SEMA3D: variants seen among roughly 807,000 people sequenced by gnomAD.
SEMA3D encodes the protein semaphorin 3D, also known as semaphorin-3D.
SEMA3D carries 84 observed loss-of-function variants against 100.1 expected under a neutral mutation model. The observed-to-expected ratio is 0.84, with a 90% CI of 0.70 to 1.01. SEMA3D has a LOEUF of 1.01. SEMA3D is among the 50% of genes least tolerant of loss of function. The probability of loss-of-function intolerance (pLI) is 0.00; values close to 1 mark genes in which losing one functional copy is unlikely to be tolerated. For missense variants in SEMA3D, 875 were observed against 934.1 expected (o/e 0.94, Z 0.82); for synonymous variants, 312 against 320.7 (o/e 0.97, Z 0.29).
chr7:85,022,568 A>G lies in SEMA3D; in HGVS notation c.1237T>C (p.Phe413Leu). ...YDPLIKSTRD[F>L]PDDVISFIKR... ...ATGAAACTGATGACATCATCTGGAA[A>G]ATCTCGGGTGGACTTAATCAGTGGG... Residue 413 changes from phenylalanine to leucine, a missense_variant, in exon 13 of 19, where the codon TTT (phenylalanine) becomes CTT (leucine). By Grantham distance (22) the Phe-to-Leu change is conservative. Coordinates refer to ENST00000284136, the MANE Select transcript of SEMA3D (RefSeq NM_001384900.1). 1 of 1,612,532 alleles carries G rather than the reference A, an allele frequency of 6.2e-7. No individual in the cohort carries two copies. Among genetic ancestry groups the G allele is most frequent in the South Asian group, 1.1e-5 (1 of 91,046 alleles).
At chr7:85,181,706 GA>G (rs769324874) in intron 1 of SEMA3D, 490 of 809,488 alleles carry the variant, frequency 6.1e-4, no homozygotes, top group Non-Finnish European at 7.2e-4. Context: ...AAGGAGGGGA[GA>G]AAAAGAAGGT....
At chr7:85,114,572 G>A (rs1159623611) in intron 3 of SEMA3D, among the ~76,000 whole-genome samples, 1 of 152,060 alleles carries the variant, frequency 6.6e-6, no homozygotes, top group Non-Finnish European at 1.5e-5. Context: ...GTGTGCTGAG[G>A]GTGTGTTGGA....
At chr7:85,105,625 C>T (rs533533408) in intron 3 of SEMA3D, among the ~76,000 whole-genome samples, 4 of 152,076 alleles carry the variant, frequency 2.6e-5, no homozygotes, top group South Asian at 2.1e-4. Context: ...TTATTATGCT[C>T]TCTTAGATAT....
chr7:85,018,384 T>C (rs962008803), intron 14 of SEMA3D, 91 bp from the exon 15 acceptor site: 8 of 783,092 alleles, frequency 1.0e-5, no homozygotes, highest in Non-Finnish European at 1.8e-5. Context: ...CATATATCAC[T>C]GAAGTAAACA....
intron 6 of SEMA3D, among the ~76,000 whole-genome samples, chr7:85,069,419 A>G (rs1311496984): frequency 6.6e-6 from 1 of 152,188 alleles, no homozygotes; most frequent in East Asian, 1.9e-4. Context: ...ACAAATAATA[A>G]TGGTACCTTT....
At chr7:85,089,588 T>C (rs1788320466) in intron 4 of SEMA3D, among the ~76,000 whole-genome samples, 3 of 152,252 alleles carry the variant, frequency 2.0e-5, no homozygotes, top group Admixed American at 6.5e-5. Flanking sequence ...TCAATAAATA[T>C]GTATTGCAAG....
the SEMA3D span, among the ~76,000 whole-genome samples, chr7:85,213,014 A>G: frequency 6.6e-6 from 1 of 152,060 alleles, no homozygotes; most frequent in East Asian, 1.9e-4. Context: ...TCTAGAATTT[A>G]TAAATTATCA....
At chr7:85,222,764 A>G in the SEMA3D span, among the ~76,000 whole-genome samples, 1 of 152,040 alleles carries the variant, frequency 6.6e-6, no homozygotes, top group Non-Finnish European at 1.5e-5. Flanking sequence ...GACCTAGGAG[A>G]TAACTATGAA....
chr7:85,159,661 A>G (rs1008220631), intron 1 of SEMA3D, among the ~76,000 whole-genome samples: 15 of 152,182 alleles, frequency 9.9e-5, no homozygotes, highest in African/African-American at 3.6e-4. Flanking sequence ...CTAGGCTTCT[A>G]ATTTGTGAAT....
intron 2 of SEMA3D, among the ~76,000 whole-genome samples, chr7:85,147,060 C>A (rs983698153): frequency 1.5e-5 from 2 of 133,556 alleles, no homozygotes; most frequent in Admixed American, 7.3e-5. Context: ...GTGGAATTTT[C>A]TGTCCATCTT....
At position 85,187,037 on chromosome 7, in the gene SEMA3D, G is replaced by C. The variant is rs1791577601; in HGVS notation, c.-532C>G. ...GTGGTGTGACCGCAGCAGCTGTCCT[G>C]GGAGAGACTCAGTCTTTCTAAAAAG... On this transcript the variant is annotated 5_prime_UTR_variant, in exon 1 of 19. Coordinates refer to ENST00000284136, the MANE Select transcript of SEMA3D (RefSeq NM_001384900.1). Among the ~76,000 whole-genome samples the C allele has an allele frequency of 1.3e-5, 2 of 152,154 alleles. No homozygotes were observed. The highest frequency in any genetic ancestry group is 4.8e-5 in the African/African-American group (2 of 41,442).
At chr7:85,088,944 C>T (rs1290145958) in intron 4 of SEMA3D, among the ~76,000 whole-genome samples, 3 of 152,230 alleles carry the variant, frequency 2.0e-5, no homozygotes, top group African/African-American at 4.8e-5. Context: ...CTTTCTTCCA[C>T]GAATCATCTC....
the SEMA3D span, among the ~76,000 whole-genome samples, chr7:85,212,988 A>G: frequency 6.6e-6 from 1 of 152,016 alleles, no homozygotes; most frequent in African/African-American, 2.4e-5. Flanking sequence ...ACAATTTTCT[A>G]TTCATTCAGG....
intron 2 of SEMA3D, among the ~76,000 whole-genome samples, chr7:85,128,788 C>T (rs568478505): frequency 2.0e-5 from 3 of 151,236 alleles, no homozygotes; most frequent in African/African-American, 7.3e-5. Flanking sequence ...AAGTTAGTGG[C>T]TCCATGGTCT....
intron 6 of SEMA3D, among the ~76,000 whole-genome samples, chr7:85,069,226 A>C (rs1488704122): frequency 6.6e-6 from 1 of 152,288 alleles, no homozygotes; most frequent in Admixed American, 6.5e-5. Flanking sequence ...GTAGAACACA[A>C]GCAATAAAGC....
At chr7:85,081,333 A>G (rs1788058320) in intron 5 of SEMA3D, among the ~76,000 whole-genome samples, 184 bp downstream of exon 5, 2 of 152,198 alleles carry the variant, frequency 1.3e-5, no homozygotes, top group African/African-American at 2.4e-5. Flanking sequence ...AAATTTTATA[A>G]ATAATATCAT....
At chr7:85,207,143 AT>A in the SEMA3D span, among the ~76,000 whole-genome samples, 1 of 152,006 alleles carries the variant, frequency 6.6e-6, no homozygotes. Context: ...AGCTTATAAG[AT>A]TTTTTTACAT....
chr7:85,133,388 T>C (rs943628415), intron 2 of SEMA3D, among the ~76,000 whole-genome samples: 2 of 151,972 alleles, frequency 1.3e-5, no homozygotes, highest in Non-Finnish European at 2.9e-5. Context: ...CCGATGGATA[T>C]TTCTCCATTT....
chr7:85,144,128 A>C (rs76917787), intron 2 of SEMA3D, among the ~76,000 whole-genome samples: 5,498 of 152,210 alleles, frequency 0.036, 160 homozygotes, highest in Non-Finnish European at 0.057. Context: ...ATACAATATA[A>C]AATTATTAAT....
Sources: allele counts gnomAD v4.1 joint callset (sites outside exome capture counted in the v4.1 genomes callset), GRCh38; gene constraint gnomAD v4.1.1; transcripts MANE v1.5; gene names NCBI Gene and HGNC (gene_info 2026-07-23, HGNC 2026-07-21).